Variants in S100A5 observed in about 807,000 individuals in gnomAD.
S100A5 encodes the protein protein S100-A5.
A neutral mutation model predicts 6.7 loss-of-function variants in S100A5; 5 were observed. The ratio of observed to expected loss-of-function variants is 0.75; its 90% confidence interval spans 0.39 to 1.57. The LOEUF is 1.57. Among genes scored for constraint, S100A5 ranks in the 40% most tolerant of loss-of-function variants. S100A5 has a pLI of 0.03. For missense variants in S100A5, 129 were observed against 110.8 expected, an observed-to-expected ratio of 1.16 and a Z score of -0.74; for synonymous variants, 49 against 44.9, an observed-to-expected ratio of 1.09 and a Z score of -0.37.
chr1:153,537,252 G>A lies in S100A5; in HGVS notation c.*44C>T, dbSNP rs781313436. ...AGGGTCTGTGAGAGGAGCAGCCGAG[G>A]TCAGCAGCAAAGGGTGGAGGGTGAG... is the stretch of plus-strand genomic sequence containing the variant. On this transcript the variant is annotated 3_prime_UTR_variant, in exon 3 of 3. Transcript: ENST00000368717. 7 of 1,595,584 alleles carry A rather than the reference G, an allele frequency of 4.4e-6. No individual in the cohort carries two copies. In the Admixed American group the frequency reaches 8.4e-5, roughly 19 times the overall value.
upstream of S100A5, chr1:153,541,734 T>C: frequency 7.0e-6 from 8 of 1,135,150 alleles, no homozygotes; most frequent in Non-Finnish European, 8.7e-6. Context: ...GAAACCAGGC[T>C]GTCCTGGAAA....
rs1262569064 is a variant in S100A5, at chr1:153,537,454, G to A, written c.139-18C>T. On this transcript the variant is annotated intron_variant, in intron 2 of 2. Transcript: ENST00000368717. ...TCCTTCATCTTTTGTGGACCCAGGT[G>A]GAGAGACAGCTCAGACCCCGCTCCC... is the stretch of plus-strand genomic sequence containing the variant. 2 of 1,613,492 alleles carry A rather than the reference G, an allele frequency of 1.2e-6. No homozygotes were observed. The highest frequency in any genetic ancestry group is 1.7e-6 in the Non-Finnish European group (2 of 1,179,810).
At chr1:153,538,113 C>A (rs1423704709) in intron 2 of S100A5, among the ~76,000 whole-genome samples, 2 of 152,144 alleles carry the variant, frequency 1.3e-5, no homozygotes, top group African/African-American at 4.8e-5. Context: ...CTGAGTGACT[C>A]TCTCCCCATT....
At position 153,537,281 on chromosome 1, in the gene S100A5, G is replaced by A. The variant is rs770617979; in HGVS notation, c.*15C>T. 1.2e-6 allele frequency: 2 copies of A among 1,608,470 alleles called. No individual in the cohort carries two copies. The highest frequency in any genetic ancestry group is 1.1e-5 in the South Asian group (1 of 90,838). On this transcript the variant is annotated 3_prime_UTR_variant, in exon 3 of 3. Transcript: ENST00000368717. ...GCAGCAAAGGGTGGAGGGTGAGGGTGGAGGGCAGCCCTGGTCACTTGTTGT... is the reference window on the plus strand; with the variant it reads ...GCAGCAAAGGGTGGAGGGTGAGGGTAGAGGGCAGCCCTGGTCACTTGTTGT...
chr1:153,541,998 G>GA (rs1289874292), upstream of S100A5: 1 of 664,258 alleles, frequency 1.5e-6, no homozygotes, highest in Non-Finnish European at 1.9e-6. Flanking sequence ...CTCTTCACAG[G>GA]AAAGGCTCGT....
chr1:153,543,440 A>G (rs2101690423), upstream of S100A5, among the ~76,000 whole-genome samples: 2 of 152,142 alleles, frequency 1.3e-5, no homozygotes, highest in Non-Finnish European at 2.9e-5. Flanking sequence ...CTTTGACCAC[A>G]CCGAGTGAAC....
chr1:153,537,559 G>T, intron 2 of S100A5, 123 bp from the exon 3 acceptor site: 3 of 1,230,572 alleles, frequency 2.4e-6, no homozygotes, highest in Non-Finnish European at 3.5e-6. Context: ...CAATGACACT[G>T]TCAGCATCTC....
chr1:153,537,590 T>G (rs1310929471), intron 2 of S100A5, among the ~76,000 whole-genome samples, 154 bp from the exon 3 acceptor site: 2 of 152,148 alleles, frequency 1.3e-5, no homozygotes, highest in Non-Finnish European at 2.9e-5. Context: ...GTCTGCCCAC[T>G]GCCCACACCT....
Position 153,537,181 on chromosome 1 carries a change from C to T in S100A5, c.*115G>A. On this transcript the variant is annotated 3_prime_UTR_variant, in exon 3 of 3. Coordinates refer to ENST00000368717, the MANE Select transcript of S100A5 (RefSeq NM_001394232.1). ...CTGCGATGGAAACTTTATTTCCTCCCATGGAAGGGTCCATCTGGGAGGGAG... is the reference window on the plus strand; with the variant it reads ...CTGCGATGGAAACTTTATTTCCTCCTATGGAAGGGTCCATCTGGGAGGGAG... 8.3e-7 allele frequency: 1 copy of T among 1,208,312 alleles called. No homozygotes were observed. Among genetic ancestry groups the T allele is most frequent in the Admixed American group, 2.2e-5 (1 of 45,648 alleles). The allele number at this position is 1,208,312 out of a possible 1,614,324, so 74.8% of individuals were successfully genotyped here.
chr1:153,543,517 T>C, upstream of S100A5: 1 of 507,282 alleles, frequency 2.0e-6, no homozygotes, highest in Non-Finnish European at 3.5e-6. Context: ...TGGTCTGCTG[T>C]CCATAAAACT....
At chr1:153,538,459 C>T (rs576218564) in intron 2 of S100A5, among the ~76,000 whole-genome samples, 1 of 152,360 alleles carries the variant, frequency 6.6e-6, no homozygotes, top group South Asian at 2.1e-4. Context: ...AGTCCCCAGC[C>T]TGGGCTCCTG....
Position 153,537,365 on chromosome 1 carries a change from C to T in S100A5, c.210G>A (p.Lys70=). 3 of 1,614,164 alleles carry T rather than the reference C, an allele frequency of 1.9e-6. No individual in the cohort carries two copies. Among genetic ancestry groups the T allele is most frequent in the Non-Finnish European group, 2.5e-6 (3 of 1,180,010 alleles). ...DKNSDQEIDF[K]EYSVFLTMLC... The stretch of plus-strand genomic sequence containing the variant: ...GCATGGTCAGGAACACCGAGTACTC[C>T]TTGAAGTCGATCTCCTGGTCGCTGT... Residue 70 remains lysine, a synonymous_variant, in exon 3 of 3, where the codon AAG becomes AAA. Coordinates refer to ENST00000368717, the MANE Select transcript of S100A5 (RefSeq NM_001394232.1).
chr1:153,541,406 G>A (rs753402307), upstream of S100A5: 1 of 1,367,724 alleles, frequency 7.3e-7, no homozygotes, highest in African/African-American at 1.5e-5. Context: ...TGAGCCCAGA[G>A]AATCCAAGCA....
intron 1 of S100A5, 135 bp downstream of exon 1, chr1:153,540,486 G>A (rs1665351271): frequency 3.5e-6 from 1 of 282,840 alleles, no homozygotes; most frequent in Non-Finnish European, 6.7e-6. Context: ...AAGATGAGAA[G>A]ACGACCTCCT....
Position 153,537,304 on chromosome 1 carries a change from T to A in S100A5, c.271A>T (p.Asn91Tyr). 6.2e-7 allele frequency: 1 copy of A among 1,613,696 alleles called. No homozygotes were observed. The highest frequency in any genetic ancestry group is 8.5e-7 in the Non-Finnish European group (1 of 1,179,682). ...GTGGAGGGCAGCCCTGGTCACTTGTTGTCCTCTAGAAAGAAGTCGTTGTAG... is the reference window on the plus strand; with the variant it reads ...GTGGAGGGCAGCCCTGGTCACTTGTAGTCCTCTAGAAAGAAGTCGTTGTAG... ...MAYNDFFLED[N>Y]K Residue 91 changes from asparagine (N) to tyrosine (Y), a missense_variant, in exon 3 of 3, where the codon AAC (asparagine) becomes TAC (tyrosine). Physicochemically the swap from Asn to Tyr is moderately radical, Grantham distance 143. Coordinates refer to ENST00000368717, the MANE Select transcript of S100A5 (RefSeq NM_001394232.1).
chr1:153,541,783 C>T, upstream of S100A5: 1 of 1,081,792 alleles, frequency 9.2e-7, no homozygotes, highest in Non-Finnish European at 1.1e-6. Flanking sequence ...AGGGCACCAT[C>T]TCCCCGTGTC....
intron 2 of S100A5, among the ~76,000 whole-genome samples, chr1:153,538,767 G>A (rs2101683444): frequency 6.6e-6 from 1 of 152,314 alleles, no homozygotes. Context: ...CTCCAGCTCA[G>A]CCTCCCACTA....
chr1:153,543,397 T>G, upstream of S100A5: 2 of 596,634 alleles, frequency 3.4e-6, no homozygotes, highest in Non-Finnish European at 4.2e-6. Flanking sequence ...TTCCAAACCT[T>G]GGCAGGGGGG....
upstream of S100A5, among the ~76,000 whole-genome samples, chr1:153,542,296 C>T (rs1040630336): frequency 5.3e-5 from 8 of 152,168 alleles, no homozygotes; most frequent in African/African-American, 9.7e-5. Context: ...CCTGGGGGGC[C>T]TCCCCACTGC....
Sources: allele counts gnomAD v4.1 joint callset (sites outside exome capture counted in the v4.1 genomes callset), GRCh38; gene constraint gnomAD v4.1.1; transcripts MANE v1.5; gene names NCBI Gene and HGNC (gene_info 2026-07-23, HGNC 2026-07-21).